Variants in KMT2C observed in about 807,000 individuals in gnomAD.
The protein encoded by KMT2C is lysine methyltransferase 2C.
A neutral mutation model predicts 507.9 loss-of-function variants in KMT2C; 88 were observed. That is an observed-to-expected ratio of 0.17 (90% CI 0.15 to 0.21). The LOEUF (loss-of-function observed/expected upper bound fraction) is 0.21. Ranked by LOEUF, KMT2C falls within the 10% of genes least tolerant of loss-of-function variation. The probability of loss-of-function intolerance (pLI) is 1.00; values close to 1 mark genes in which losing one functional copy is unlikely to be tolerated. For missense variants in KMT2C, 4,954 were observed against 5,957.8 expected (o/e 0.83, Z 5.55); for synonymous variants, 2,049 against 2,080.8 (o/e 0.98, Z 0.42).
chr7:152,375,858 G>A (rs979820716), intron 1 of KMT2C, among the ~76,000 whole-genome samples: 6 of 152,048 alleles, frequency 3.9e-5, no homozygotes, highest in Non-Finnish European at 8.8e-5. Context: ...AAAGGGTCTT[G>A]TTCTGTCACC....
rs1350923248 is a variant in KMT2C at position 152,187,441 on chromosome 7, T to A, written c.4829A>T (p.Asp1610Val). The A allele has an allele frequency of 6.2e-7, 1 of 1,614,092 alleles. No individual in the cohort carries two copies. The highest frequency in any genetic ancestry group is 1.1e-5 in the South Asian group (1 of 91,078). ...TGATGATGTCCAAGAGTTGTTAGGA[T>A]CACTTGCCATTGGATTAAAGGCTGA... Reference protein sequence around the residue: ...KNSAFNPMASDPNNSWTSSAP... With the variant: ...KNSAFNPMASVPNNSWTSSAP... Residue 1610 changes from aspartate to valine, a missense_variant, in exon 33 of 59, where the codon GAT becomes GTT. Transcript: ENST00000262189.
chr7:152,389,106 C>T lies in KMT2C; in HGVS notation c.162-30431G>A, dbSNP rs200984445. Among the ~76,000 whole-genome samples the T allele has an allele frequency of 2.2e-4, 31 of 138,252 alleles. No individual in the cohort carries two copies. In the East Asian group the frequency reaches 3.1e-3, roughly 14 times the overall value. The allele number at this position is 138,252 out of a possible 152,430, so 90.7% of individuals were successfully genotyped here. Reference sequence around the variant, plus strand: ...ACCGTGTTAGCAAGGATAGTCTCGACCTCCTGGCCTCGTGATCTGCCCGCC... The same window carrying T: ...ACCGTGTTAGCAAGGATAGTCTCGATCTCCTGGCCTCGTGATCTGCCCGCC... On this transcript the variant is annotated intron_variant, in intron 1 of 58. Coordinates refer to ENST00000262189, the MANE Select transcript of KMT2C (RefSeq NM_170606.3).
chr7:152,330,156 G>T (rs1380142236), intron 3 of KMT2C, among the ~76,000 whole-genome samples: 1 of 132,144 alleles, frequency 7.6e-6, no homozygotes. Flanking sequence ...AAAAGGGAGG[G>T]GGGGAGGGGT....
At chr7:152,340,199 G>A (rs1253855340) in intron 2 of KMT2C, among the ~76,000 whole-genome samples, 1 of 149,506 alleles carries the variant, frequency 6.7e-6, no homozygotes, top group Non-Finnish European at 1.5e-5. Context: ...TGTTGCCCAG[G>A]CTGGTCTCGA....
chr7:152,325,802 A>AC (rs1170374221), intron 3 of KMT2C, among the ~76,000 whole-genome samples: 2 of 151,992 alleles, frequency 1.3e-5, no homozygotes, highest in Non-Finnish European at 2.9e-5. Context: ...GTCTTTCCTT[A>AC]CCCCAAAGCA....
rs1182943861 is a variant in KMT2C at position 152,150,933 on chromosome 7, T to C, written c.12741A>G (p.Ser4247=). 8 of 1,613,380 alleles carry C rather than the reference T, an allele frequency of 5.0e-6. No individual in the cohort carries two copies. Among genetic ancestry groups the C allele is most frequent in the South Asian group, 1.1e-5 (1 of 91,024 alleles). The change falls in exon 51 of 59, where the codon TCA becomes TCG. Residue 4247 remains serine, a synonymous_variant. Transcript: ENST00000262189. Reference sequence around the variant, plus strand: ...CTGAGTTTTTCGCTTGTGCAGTTGATGAATAAAGAATAAAGCAGTTATTAC... The same window carrying C: ...CTGAGTTTTTCGCTTGTGCAGTTGACGAATAAAGAATAAAGCAGTTATTAC... ...FCSNNCFILY[S]STAQAKNSEN...
chr7:152,208,426 T>G (rs1453420825), intron 23 of KMT2C, among the ~76,000 whole-genome samples: 2 of 152,262 alleles, frequency 1.3e-5, no homozygotes, highest in African/African-American at 4.8e-5. Context: ...TGTATTAATG[T>G]CATGCTTTAT....
At chr7:152,291,760 C>T (rs78684412) in intron 6 of KMT2C, among the ~76,000 whole-genome samples, 1 of 152,260 alleles carries the variant, frequency 6.6e-6, no homozygotes, top group Non-Finnish European at 1.5e-5. Context: ...ATCATTCACC[C>T]TTCTTTCCAA....
chr7:152,391,160 A>AAAAAAAAAAAAAC, intron 1 of KMT2C, among the ~76,000 whole-genome samples: 1 of 149,426 alleles, frequency 6.7e-6, no homozygotes, highest in African/African-American at 2.5e-5. Flanking sequence ...AAAAAAAAAA[A>AAAAAAAAAAAAAC]AAAAAAAGCC....
intron 18 of KMT2C, among the ~76,000 whole-genome samples, chr7:152,229,277 A>G (rs2095033543): frequency 6.6e-6 from 1 of 152,112 alleles, no homozygotes; most frequent in South Asian, 2.1e-4. Context: ...ACTTTATTCA[A>G]ATATGTAAGT....
chr7:152,322,108 A>T (rs1451844628), intron 3 of KMT2C, among the ~76,000 whole-genome samples: 2 of 151,620 alleles, frequency 1.3e-5, no homozygotes, highest in Non-Finnish European at 2.9e-5. Flanking sequence ...TCACACTTGT[A>T]ATGCCAGCAC....
At chr7:152,297,051 A>AAGAAAGAAAGAAAGAAAGAGAG (rs1356233143) in intron 6 of KMT2C, among the ~76,000 whole-genome samples, 1 of 60,240 alleles carries the variant, frequency 1.7e-5, no homozygotes, top group Non-Finnish European at 3.3e-5. Flanking sequence ...GAAAGAAAGA[A>AAGAAAGAAAGAAAGAAAGAGAG]AGACAGAGAG....
At chr7:152,187,984 T>A in intron 31 of KMT2C, 137 bp from the exon 32 acceptor site, 1 of 811,098 alleles carries the variant, frequency 1.2e-6, no homozygotes, top group Admixed American at 2.8e-5. Flanking sequence ...TGAATGTGGA[T>A]AGAAAACACA....
chr7:152,179,643 A>C (rs189556532), intron 37 of KMT2C, among the ~76,000 whole-genome samples, 191 bp downstream of exon 37: 1 of 118,662 alleles, frequency 8.4e-6, no homozygotes, highest in Non-Finnish European at 1.7e-5. Context: ...AAAATTTTTA[A>C]ATTTGTTGAA....
rs746492799 is a variant in KMT2C, at chr7:152,435,848, G to GGCC, written c.-65_-63dup. 554 of 1,360,078 alleles carry GGCC rather than the reference G, an allele frequency of 4.1e-4. 2 individuals carry two copies. Among genetic ancestry groups the GGCC allele is most frequent in the South Asian group, 2.5e-3 (151 of 60,130 alleles). The allele number at this position is 1,360,078 out of a possible 1,614,324, so 84.3% of individuals were successfully genotyped here. A position where few individuals can be genotyped will look rare whatever the true frequency, so the allele number is the denominator to read the frequency against. On this transcript the variant is annotated 5_prime_UTR_variant, in exon 1 of 59. Coordinates refer to ENST00000262189, the MANE Select transcript of KMT2C (RefSeq NM_170606.3). The stretch of plus-strand genomic sequence containing the variant: ...CCTCCTGGGGGGCTCCCGCCGCCGC[G>GGCC]GCCGCCGCCGCCGCCGCTGCTGCTC...
At chr7:152,435,465 C>A (rs1192082474) in intron 1 of KMT2C, among the ~76,000 whole-genome samples, 161 bp downstream of exon 1, 2 of 145,604 alleles carry the variant, frequency 1.4e-5, no homozygotes, top group African/African-American at 4.9e-5. Flanking sequence ...TACCGAGGGG[C>A]GCGGGGCCGG....
rs2093458760 is a variant in KMT2C at position 152,182,265 on chromosome 7, C to G, written c.5595G>C (p.Gln1865His). 3 of 1,613,920 alleles carry G rather than the reference C, an allele frequency of 1.9e-6. No homozygotes were observed. The South Asian group carries it at 3.3e-5, about 18-fold the overall frequency. The change falls in exon 36 of 59, where the codon CAG (glutamine) becomes CAC (histidine). Residue 1865 changes from glutamine to histidine, a missense_variant. By Grantham distance (24) the Gln-to-His change is conservative (BLOSUM62 0). Coordinates refer to ENST00000262189, the MANE Select transcript of KMT2C (RefSeq NM_170606.3). ...AAGTCTGAGCCTGAGAAAGACTATC[C>G]TGGATGGGAATCCGGGATGGGGCTG... The part of the protein sequence containing the change: ...PPPAPSRIPI[Q>H]DSLSQAQTSQ...
chr7:152,201,952 C>T (rs1465826639), intron 26 of KMT2C, among the ~76,000 whole-genome samples: 1 of 152,074 alleles, frequency 6.6e-6, no homozygotes, highest in African/African-American at 2.4e-5. Flanking sequence ...TGAGCTCTAA[C>T]ATGAATACTG....
intron 2 of KMT2C, among the ~76,000 whole-genome samples, chr7:152,341,423 A>G (rs1349250065): frequency 3.3e-5 from 5 of 152,212 alleles, no homozygotes; most frequent in Non-Finnish European, 7.3e-5. Flanking sequence ...CTCTTCAACT[A>G]AACCATCGAA....
Sources: gnomAD v4.1 joint callset for allele counts (sites outside exome capture counted in the v4.1 genomes callset) on GRCh38, gnomAD v4.1.1 for gene constraint, MANE v1.5 for transcripts, NCBI Gene and HGNC (gene_info 2026-07-23, HGNC 2026-07-21) for gene names.